Variants in LRRK2 observed in about 807,000 individuals in gnomAD.
LRRK2 encodes the protein leucine-rich repeat serine/threonine-protein kinase 2.
In LRRK2, 203 loss-of-function variants were observed where a neutral mutation model predicts 302.6. That is an observed-to-expected ratio of 0.67 (90% CI 0.60 to 0.75). The LOEUF (loss-of-function observed/expected upper bound fraction) is 0.75. Ranked by LOEUF, LRRK2 falls within the 30% of genes least tolerant of loss-of-function variation. The pLI is 0.00. For missense variants in LRRK2, 2,830 were observed against 2,951.0 expected (o/e 0.96, Z 0.95); for synonymous variants, 1,066 against 1,031.9 (o/e 1.03, Z -0.63).
In LRRK2 at chr12:40,287,209, A is replaced by T; in HGVS notation, c.2501-142A>T. 3 of 706,992 alleles carry T rather than the reference A, an allele frequency of 4.2e-6. 1 individual carries two copies. The South Asian group carries it at 5.1e-5, about 12-fold the overall frequency. 43.8% of individuals were successfully genotyped at this position (706,992 alleles called of 1,614,324 possible). A position where few individuals can be genotyped will look rare whatever the true frequency, so the allele number is the denominator to read the frequency against. ...ATCTGCCACCTGTTAATTATTCAGG[A>T]TCACTAGTGTAAGGTGACTTTGAAA... On this transcript the variant is annotated intron_variant, in intron 19 of 50. Transcript: ENST00000298910.
At chr12:40,271,552 C>T (rs981162372) in intron 14 of LRRK2, among the ~76,000 whole-genome samples, 1 of 152,140 alleles carries the variant, frequency 6.6e-6, no homozygotes, top group African/African-American at 2.4e-5. Context: ...AAAAACACCT[C>T]CTAAGTAGAC....
chr12:40,298,074 G>A (rs1444078806), intron 23 of LRRK2, among the ~76,000 whole-genome samples, 169 bp from the exon 24 acceptor site: 1 of 151,910 alleles, frequency 6.6e-6, no homozygotes, highest in East Asian at 1.9e-4. Flanking sequence ...GCTACAAGCA[G>A]AGACGATTGG....
intron 3 of LRRK2, among the ~76,000 whole-genome samples, chr12:40,233,123 C>T (rs1043152808): frequency 1.3e-5 from 2 of 152,100 alleles, no homozygotes; most frequent in African/African-American, 4.8e-5. Flanking sequence ...ATCACTTGAA[C>T]CTGGGAGGCG....
chr12:40,322,556 T>G (rs770492329), intron 37 of LRRK2, 46 bp downstream of exon 37: 1 of 1,508,450 alleles, frequency 6.6e-7, no homozygotes, highest in Non-Finnish European at 9.2e-7. Flanking sequence ...GATCCTTCAA[T>G]ACTTATGAAG....
chr12:40,335,079 G>T lies in LRRK2; in HGVS notation c.5870G>T (p.Arg1957Leu), dbSNP rs201012950. ...TTAGCCTCCAAGGGTTCCTTGGATC[G>T]CCTGCTTCAGCAGGACAAAGCCAGC... ...MELASKGSLDRLLQQDKASLT... is the reference protein window; with the variant it reads ...MELASKGSLDLLLQQDKASLT... Residue 1957 changes from arginine to leucine, a missense_variant, in exon 40 of 51, where the codon CGC (arginine) becomes CTC (leucine). By Grantham distance (102) the Arg-to-Leu change is moderately radical. Transcript: ENST00000298910. 3.5e-5 allele frequency: 57 copies of T among 1,614,042 alleles called. No homozygotes were observed. The South Asian group carries it at 3.8e-4, about 11-fold the overall frequency.
rs763963098 is a variant in LRRK2 at position 40,298,246 on chromosome 12, C to G, written c.3100C>G (p.Leu1034Val). The change falls in exon 24 of 51, where the codon CTG (leucine) becomes GTG (valine). Residue 1034 changes from leucine (L) to valine (V), a missense_variant. By Grantham distance (32) the Leu-to-Val change is conservative. Coordinates refer to ENST00000298910, the MANE Select transcript of LRRK2 (RefSeq NM_198578.4). ...TSFPQQLCET[L>V]KSLTHLDLHS... ...TTTTAAACTATTGTCTTTTCAGACT[C>G]TGAAGAGTTTGACACATTTGGACTT... 50 of 1,613,240 alleles carry G rather than the reference C, an allele frequency of 3.1e-5. No individual in the cohort carries two copies. The South Asian group carries it at 5.2e-4, about 17-fold the overall frequency.
At chr12:40,234,402 C>CA (rs1310921662) in intron 3 of LRRK2, among the ~76,000 whole-genome samples, 2 of 78,428 alleles carry the variant, frequency 2.6e-5, no homozygotes, top group African/African-American at 1.1e-4. Flanking sequence ...TTTTTTTAGA[C>CA]AGAGTCTTTC....
chr12:40,282,131 TCC>T, intron 18 of LRRK2, among the ~76,000 whole-genome samples: 1 of 71,842 alleles, frequency 1.4e-5, no homozygotes, highest in African/African-American at 5.3e-5. Flanking sequence ...TCCCCTCCCC[TCC>T]CCTCCCCTCC....
intron 7 of LRRK2, among the ~76,000 whole-genome samples, chr12:40,247,331 A>G (rs1565677300): frequency 1.3e-5 from 2 of 151,644 alleles, no homozygotes; most frequent in Admixed American, 6.6e-5. Context: ...ATGTTGTTAT[A>G]TGACTAAAAC....
intron 19 of LRRK2, among the ~76,000 whole-genome samples, chr12:40,286,008 C>T (rs777125442): frequency 1.2e-4 from 19 of 152,034 alleles, no homozygotes; most frequent in Non-Finnish European, 2.4e-4. Context: ...ATGCCAAAAA[C>T]CTGCTTACTT....
chr12:40,335,292 T>A, intron 40 of LRRK2, 135 bp downstream of exon 40: 1 of 990,612 alleles, frequency 1.0e-6, no homozygotes, highest in Non-Finnish European at 1.6e-6. Context: ...AAACTACCAT[T>A]TCCCTGATCA....
intron 39 of LRRK2, 132 bp from the exon 40 acceptor site, chr12:40,334,835 G>A: frequency 9.4e-7 from 1 of 1,058,394 alleles, no homozygotes; most frequent in Non-Finnish European, 1.4e-6. Flanking sequence ...ACTCAGAGAA[G>A]AAATGGAAAG....
At chr12:40,261,094 A>G (rs1286549149) in intron 13 of LRRK2, among the ~76,000 whole-genome samples, 2 of 152,160 alleles carry the variant, frequency 1.3e-5, no homozygotes, top group Admixed American at 1.3e-4. Context: ...AAATTGAATC[A>G]TGGTGTCCTA....
chr12:40,242,633 T>C (rs2136439024), intron 6 of LRRK2, among the ~76,000 whole-genome samples: 1 of 151,768 alleles, frequency 6.6e-6, no homozygotes, highest in Non-Finnish European at 1.5e-5. Flanking sequence ...ATTTTAACTG[T>C]TCCATCTGGT....
intron 4 of LRRK2, 97 bp from the exon 5 acceptor site, chr12:40,237,872 T>G (rs1941538867): frequency 7.6e-7 from 1 of 1,322,914 alleles, no homozygotes; most frequent in South Asian, 1.2e-5. Context: ...CTACAAACCA[T>G]TCACAGTCTT....
chr12:40,298,161 G>C, intron 23 of LRRK2, 82 bp from the exon 24 acceptor site: 3 of 1,413,280 alleles, frequency 2.1e-6, no homozygotes, highest in Admixed American at 3.5e-5. Flanking sequence ...CTAGTTACCA[G>C]AGGTGTGTAA....
At chr12:40,353,508 C>T (rs574067144) in intron 44 of LRRK2, among the ~76,000 whole-genome samples, 58 of 60,236 alleles carry the variant, frequency 9.6e-4, no homozygotes, top group South Asian at 1.0e-3. Context: ...ACTGGGCAGC[C>T]GGGCAGAGGG....
At chr12:40,266,648 G>T (rs1372918859) in intron 14 of LRRK2, among the ~76,000 whole-genome samples, 1 of 152,156 alleles carries the variant, frequency 6.6e-6, no homozygotes, top group African/African-American at 2.4e-5. Context: ...CATCCTGTTA[G>T]TGGGTATATA....
intron 23 of LRRK2, among the ~76,000 whole-genome samples, chr12:40,297,516 A>G (rs1944428296): frequency 6.6e-6 from 1 of 152,186 alleles, no homozygotes; most frequent in Non-Finnish European, 1.5e-5. Context: ...GAATTTTGAA[A>G]CAACTTCTGG....
Sources: allele counts gnomAD v4.1 joint callset (sites outside exome capture counted in the v4.1 genomes callset), GRCh38; gene constraint gnomAD v4.1.1; transcripts MANE v1.5; gene names NCBI Gene and HGNC (gene_info 2026-07-23, HGNC 2026-07-21).